TBCD: variants seen among roughly 807,000 people sequenced by gnomAD.
TBCD encodes tubulin-specific chaperone D.
TBCD carries 105 observed loss-of-function variants against 169.3 expected under a neutral mutation model. The observed-to-expected ratio is 0.62, with a 90% CI of 0.53 to 0.73. The LOEUF (loss-of-function observed/expected upper bound fraction) is 0.73, where lower values mean the gene tolerates loss of function less well. Ranked by LOEUF, TBCD falls within the 30% of genes least tolerant of loss-of-function variation. The pLI is 0.00. For synonymous variants in TBCD, 700 were observed against 643.9 expected (o/e 1.09, Z -1.32); for missense variants, 1,444 against 1,600.1 (o/e 0.90, Z 1.66).
chr17:82,795,777 C>T lies in TBCD; in HGVS notation c.772-1980C>T, dbSNP rs190908440. The T allele has an allele frequency of 1.6e-4, 34 of 207,902 alleles. 1 individual carries two copies. Among genetic ancestry groups the T allele is most frequent in the Admixed American group, 6.5e-4 (10 of 15,352 alleles). The allele number at this position is 207,902 out of a possible 1,614,324, so 12.9% of individuals were successfully genotyped here. The stretch of plus-strand genomic sequence containing the variant: ...GCCTGGGCCTCTGCCGAGAAGACCA[C>T]GTGGCAGGTGCCTTGAAGGGCTGGG... On this transcript the variant is annotated intron_variant, in intron 7 of 38. Coordinates refer to ENST00000355528, the MANE Select transcript of TBCD (RefSeq NM_005993.5).
chr17:82,901,137 G>T (rs2059863767), intron 18 of TBCD, among the ~76,000 whole-genome samples: 1 of 152,264 alleles, frequency 6.6e-6, no homozygotes, highest in South Asian at 2.1e-4. Context: ...GCAGTTCTTA[G>T]TGGCCGTTTT....
rs930824827 is a variant in TBCD, at chr17:82,865,354, G to C, written c.1319-4870G>C. The C allele has an allele frequency of 9.3e-6, 6 of 641,778 alleles. No individual in the cohort carries two copies. In the African/African-American group the frequency reaches 9.9e-5, roughly 11 times the overall value. The allele number at this position is 641,778 out of a possible 1,614,324, so 39.8% of individuals were successfully genotyped here. A position where few individuals can be genotyped will look rare whatever the true frequency, so the allele number is the denominator to read the frequency against. Reference sequence around the variant, plus strand: ...TTTCCTGCGCTCGGGCTCTGCACCGGCAGGCTCCACGCTGAGGGTCCCTCC... The same window carrying C: ...TTTCCTGCGCTCGGGCTCTGCACCGCCAGGCTCCACGCTGAGGGTCCCTCC... On this transcript the variant is annotated intron_variant, in intron 13 of 38. Transcript: ENST00000355528.
At chr17:82,836,784 G>A (rs1391909378) in intron 13 of TBCD, among the ~76,000 whole-genome samples, 1 of 152,046 alleles carries the variant, frequency 6.6e-6, no homozygotes, top group African/African-American at 2.4e-5. Context: ...CTTTACAACA[G>A]GCAGGTTACG....
chr17:82,867,050 G>C (rs1368047064), intron 13 of TBCD, among the ~76,000 whole-genome samples: 1 of 152,240 alleles, frequency 6.6e-6, no homozygotes, highest in East Asian at 1.9e-4. Flanking sequence ...ATTCATCCCA[G>C]CAGCTGACTA....
At chr17:82,821,850 G>A (rs1009122569) in intron 13 of TBCD, among the ~76,000 whole-genome samples, 44 of 152,114 alleles carry the variant, frequency 2.9e-4, no homozygotes, top group African/African-American at 9.7e-4. Flanking sequence ...CTTATCTAAG[G>A]TGATGTTTTG....
chr17:82,869,485 A>T (rs886580550), intron 13 of TBCD, among the ~76,000 whole-genome samples: 4 of 152,100 alleles, frequency 2.6e-5, no homozygotes, highest in Admixed American at 6.5e-5. Context: ...GTGGCACTGC[A>T]CTCCAGCCTG....
chr17:82,882,870 CACACA>C, intron 14 of TBCD, among the ~76,000 whole-genome samples: 1 of 152,282 alleles, frequency 6.6e-6, no homozygotes, highest in Middle Eastern at 3.4e-3. Flanking sequence ...CGGCGCCTCA[CACACA>C]CGCCCCGGAA....
At chr17:82,809,684 C>A (rs751762209) in intron 11 of TBCD, 24 bp from the exon 12 acceptor site, 38 of 1,609,668 alleles carry the variant, frequency 2.4e-5, no homozygotes, top group Middle Eastern at 1.6e-4. Flanking sequence ...GTGCCCCTGA[C>A]GGATTGCTGC....
chr17:82,871,879 G>T (rs1248527328), intron 14 of TBCD, among the ~76,000 whole-genome samples: 1 of 152,190 alleles, frequency 6.6e-6, no homozygotes, highest in African/African-American at 2.4e-5. Context: ...TCACGCACCC[G>T]GGTGTAAGCG....
At chr17:82,904,917 G>A (rs552786080) in intron 19 of TBCD, among the ~76,000 whole-genome samples, 1 of 152,308 alleles carries the variant, frequency 6.6e-6, no homozygotes, top group Non-Finnish European at 1.5e-5. Flanking sequence ...CCCAGAACAG[G>A]ACTGTGACCT....
Position 82,854,790 on chromosome 17 carries a change from A to G in TBCD, c.1319-15434A>G, listed in dbSNP as rs530014752. 2.5e-4 allele frequency among the ~76,000 whole-genome samples: 38 copies of G among 152,306 alleles called. 1 individual carries two copies. In the South Asian group the frequency reaches 7.5e-3, roughly 30 times the overall value. On this transcript the variant is annotated intron_variant, in intron 13 of 38. Transcript: ENST00000355528. ...AACGATGACCAGAAAAACCCTGCAC[A>G]AAGCTACACGTGAAATTTCTATCAC...
rs60671571 is a variant in TBCD, at chr17:82,797,962, C to CTTTTTTTTTTTTT, written c.817+180_817+192dup. Reference sequence around the variant, plus strand: ...TTTGTTGTGGGTTTTAGTAACTGAACTTTTTTTTTTTTTTTTTTTTTTTTT... The same window carrying CTTTTTTTTTTTTT: ...TTTGTTGTGGGTTTTAGTAACTGAACTTTTTTTTTTTTTTTTTTTTTTTTTTTTTTTTTTTTTT... On this transcript the variant is annotated intron_variant, in intron 8 of 38. Transcript: ENST00000355528. 8.6e-4 allele frequency among the ~76,000 whole-genome samples: 42 copies of CTTTTTTTTTTTTT among 49,042 alleles called. 13 individuals carry two copies. The highest frequency in any genetic ancestry group is 0.043 in the Middle Eastern group (2 of 46). 32.2% of individuals were successfully genotyped at this position (49,042 alleles called of 152,430 possible).
intron 1 of TBCD, among the ~76,000 whole-genome samples, chr17:82,752,733 GC>G (rs2047172813): frequency 6.6e-6 from 1 of 152,198 alleles, no homozygotes; most frequent in Non-Finnish European, 1.5e-5. Flanking sequence ...GGAGACTCGG[GC>G]CAGACCCCTC....
At chr17:82,827,773 G>A (rs532549384) in intron 13 of TBCD, among the ~76,000 whole-genome samples, 141 of 147,546 alleles carry the variant, frequency 9.6e-4, no homozygotes, top group Middle Eastern at 4.0e-3. Context: ...GCACACATCC[G>A]CAGATATGTA....
Position 82,937,997 on chromosome 17 carries a change from G to A in TBCD, c.3282-52G>A, listed in dbSNP as rs745933013. 1.9e-6 allele frequency: 3 copies of A among 1,604,174 alleles called. No homozygotes were observed. In the South Asian group the frequency reaches 3.3e-5, roughly 18 times the overall value. ...GCCTTTGGGTCCGGGGTTTGCTGGGGTTGGCCTGCGCGGGGTGGGGCTCAC... is the reference window on the plus strand; with the variant it reads ...GCCTTTGGGTCCGGGGTTTGCTGGGATTGGCCTGCGCGGGGTGGGGCTCAC... On this transcript the variant is annotated intron_variant, in intron 35 of 38. Coordinates refer to ENST00000355528, the MANE Select transcript of TBCD (RefSeq NM_005993.5).
intron 13 of TBCD, among the ~76,000 whole-genome samples, chr17:82,818,940 C>T (rs681228): frequency 0.47 from 72,038 of 151,902 alleles, 17,770 homozygotes; most frequent in South Asian, 0.63. Flanking sequence ...TGTCTGTAAT[C>T]CCAGCTACTC....
chr17:82,821,670 T>C (rs1454705003), intron 13 of TBCD, among the ~76,000 whole-genome samples: 1 of 152,114 alleles, frequency 6.6e-6, no homozygotes, highest in Non-Finnish European at 1.5e-5. Context: ...CCATGTCTTA[T>C]AAAGTGTAAT....
chr17:82,775,232 G>GT (rs1275859584), intron 6 of TBCD, among the ~76,000 whole-genome samples: 8 of 152,362 alleles, frequency 5.3e-5, no homozygotes, highest in African/African-American at 2.4e-5. Flanking sequence ...TCCAGGAGAG[G>GT]TGGTGCCTGG....
At chr17:82,856,016 T>TA (rs2056251986) in intron 13 of TBCD, among the ~76,000 whole-genome samples, 1 of 144,638 alleles carries the variant, frequency 6.9e-6, no homozygotes, top group African/African-American at 2.6e-5. Context: ...TTTTTTTTTT[T>TA]TTGTAGAGAC....
Sources: gnomAD v4.1 joint callset for allele counts (sites outside exome capture counted in the v4.1 genomes callset) on GRCh38, gnomAD v4.1.1 for gene constraint, MANE v1.5 for transcripts, NCBI Gene and HGNC (gene_info 2026-07-23, HGNC 2026-07-21) for gene names.